Variants in STX8 observed in about 807,000 individuals in gnomAD.
STX8 encodes syntaxin-8.
STX8 carries 23 observed loss-of-function variants against 37.5 expected under a neutral mutation model. The ratio of observed to expected loss-of-function variants is 0.61; its 90% CI spans 0.44 to 0.87. The LOEUF is 0.87. Ranked by LOEUF, STX8 falls within the 40% of genes least tolerant of loss-of-function variation. The pLI, the probability that STX8 is intolerant of heterozygous loss-of-function variation, is 0.00. For synonymous variants in STX8, 115 were observed against 99.1 expected (o/e 1.16, Z -0.95); for missense variants, 313 against 284.7 (o/e 1.10, Z -0.71).
intron 7 of STX8, chr17:9,377,968 G>A (rs1911661290): frequency 1.3e-5 from 2 of 152,518 alleles, no homozygotes; most frequent in Non-Finnish European, 2.9e-5. Context: ...ACAAGCACCT[G>A]CAGCAGAACT....
chr17:9,465,134 CCCT>C (rs925890589), intron 6 of STX8, among the ~76,000 whole-genome samples: 7 of 152,008 alleles, frequency 4.6e-5, no homozygotes, highest in African/African-American at 1.7e-4. Context: ...ATCTAATTTT[CCCT>C]CCTTTCTCAC....
chr17:9,572,105 A>G lies in STX8; in HGVS notation c.18-3635T>C, dbSNP rs1907711464. 3.3e-5 allele frequency among the ~76,000 whole-genome samples: 5 copies of G among 152,226 alleles called. No homozygotes were observed. The South Asian group carries it at 6.2e-4, about 19-fold the overall frequency. On this transcript the variant is annotated intron_variant, in intron 1 of 7. Transcript: ENST00000306357. ...AAAGAAGACCATGCTACCAACATAAAAAGTCCAATCAGGATATAAAACTAT... is the reference window on the plus strand; with the variant it reads ...AAAGAAGACCATGCTACCAACATAAGAAGTCCAATCAGGATATAAAACTAT...
At chr17:9,494,497 C>T (rs1907010900) in intron 5 of STX8, among the ~76,000 whole-genome samples, 1 of 150,748 alleles carries the variant, frequency 6.6e-6, no homozygotes, top group Non-Finnish European at 1.5e-5. Context: ...GTGGCGCATG[C>T]CTATAGTCCC....
At chr17:9,562,604 A>G (rs1014417457) in intron 2 of STX8, among the ~76,000 whole-genome samples, 2 of 23,224 alleles carry the variant, frequency 8.6e-5, no homozygotes, top group Non-Finnish European at 1.4e-4. Flanking sequence ...GTTCACAGAA[A>G]AAAAAAAAAA....
At chr17:9,482,868 C>T (rs907755962) in intron 6 of STX8, among the ~76,000 whole-genome samples, 4 of 152,086 alleles carry the variant, frequency 2.6e-5, no homozygotes, top group Admixed American at 6.6e-5. Context: ...GAGCCGAGAT[C>T]GCGCCACTGC....
At chr17:9,506,547 G>A (rs924077228) in intron 4 of STX8, among the ~76,000 whole-genome samples, 1 of 152,040 alleles carries the variant, frequency 6.6e-6, no homozygotes, top group African/African-American at 2.4e-5. Flanking sequence ...GTCTAGGAGG[G>A]CAGCATGAAG....
At chr17:9,288,462 C>T (rs1317002045) in intron 7 of STX8, among the ~76,000 whole-genome samples, 2 of 151,660 alleles carry the variant, frequency 1.3e-5, no homozygotes, top group African/African-American at 2.4e-5. Context: ...GAGATCGAGA[C>T]CATCCTGGCT....
chr17:9,352,159 A>AG (rs1910728008), intron 7 of STX8, among the ~76,000 whole-genome samples: 1 of 151,686 alleles, frequency 6.6e-6, no homozygotes, highest in African/African-American at 2.4e-5. Flanking sequence ...CTAAAAAAAA[A>AG]AAAAAAGAAA....
intron 4 of STX8, among the ~76,000 whole-genome samples, chr17:9,515,099 G>C (rs1254233366): frequency 1.3e-5 from 2 of 152,168 alleles, no homozygotes; most frequent in Non-Finnish European, 2.9e-5. Context: ...ACAAAGCATA[G>C]ATTCTTGTTA....
chr17:9,355,538 T>C (rs1450462926), intron 7 of STX8, among the ~76,000 whole-genome samples: 1 of 150,268 alleles, frequency 6.7e-6, no homozygotes, highest in African/African-American at 2.5e-5. Flanking sequence ...AGTCTCATTC[T>C]GTCGCCCAGG....
intron 4 of STX8, among the ~76,000 whole-genome samples, chr17:9,536,198 A>C (rs1035027300): frequency 6.6e-6 from 1 of 152,196 alleles, no homozygotes; most frequent in East Asian, 1.9e-4. Flanking sequence ...TTACTTATGC[A>C]AAACACATTC....
intron 6 of STX8, among the ~76,000 whole-genome samples, chr17:9,470,715 CCTAA>C (rs1223215357): frequency 6.6e-6 from 1 of 152,020 alleles, no homozygotes; most frequent in Non-Finnish European, 1.5e-5. Context: ...ACACAGCAGG[CCTAA>C]CTGCTTTTTT....
At chr17:9,406,201 G>A (rs571060531) in intron 6 of STX8, among the ~76,000 whole-genome samples, 10 of 152,230 alleles carry the variant, frequency 6.6e-5, no homozygotes, top group Admixed American at 6.5e-4. Context: ...ACTTTTCCTT[G>A]TAATGTCATA....
At chr17:9,491,154 C>T (rs796236899) in intron 6 of STX8, among the ~76,000 whole-genome samples, 24 of 152,300 alleles carry the variant, frequency 1.6e-4, no homozygotes, top group African/African-American at 5.8e-4. Context: ...TAATTAGACA[C>T]ATGCAAACTG....
At chr17:9,569,381 G>A (rs180755820) in intron 1 of STX8, 133 of 154,782 alleles carry the variant, frequency 8.6e-4, no homozygotes, top group Non-Finnish European at 1.5e-3. Flanking sequence ...AGGTGACACC[G>A]AGGCAAGGTG....
At chr17:9,315,295 A>C (rs887974128) in intron 7 of STX8, among the ~76,000 whole-genome samples, 11 of 143,810 alleles carry the variant, frequency 7.6e-5, no homozygotes, top group African/African-American at 2.8e-4. Flanking sequence ...AAAAACAACA[A>C]AAAAAAAAAA....
chr17:9,292,647 C>T (rs957402921), intron 7 of STX8, among the ~76,000 whole-genome samples: 14 of 152,236 alleles, frequency 9.2e-5, no homozygotes, highest in African/African-American at 3.4e-4. Context: ...AAAAAGAATC[C>T]CCTTTCTTTA....
chr17:9,555,964 A>T (rs940554375), intron 3 of STX8, among the ~76,000 whole-genome samples: 2 of 152,196 alleles, frequency 1.3e-5, no homozygotes, highest in African/African-American at 4.8e-5. Flanking sequence ...TGATTTGGGT[A>T]AAATAAAAAC....
intron 7 of STX8, among the ~76,000 whole-genome samples, chr17:9,311,903 A>AACCT (rs1271022757): frequency 5.3e-5 from 8 of 151,878 alleles, no homozygotes; most frequent in Non-Finnish European, 1.5e-5. Flanking sequence ...GCTGGAGTGC[A>AACCT]GCAGCGTGAT....
Sources: allele counts gnomAD v4.1 joint callset (sites outside exome capture counted in the v4.1 genomes callset), GRCh38; gene constraint gnomAD v4.1.1; transcripts MANE v1.5; gene names NCBI Gene and HGNC (gene_info 2026-07-23, HGNC 2026-07-21).